MYRIP: variants seen among roughly 807,000 people sequenced by gnomAD.
MYRIP encodes the protein rab effector MyRIP.
MYRIP carries 49 observed loss-of-function variants against 98.0 expected under a neutral mutation model. That is an observed-to-expected ratio of 0.50 (90% CI 0.40 to 0.63). The LOEUF (loss-of-function observed/expected upper bound fraction) is 0.63. MYRIP is among the 30% of genes least tolerant of loss of function. MYRIP has a pLI of 0.00. For synonymous variants in MYRIP, 404 were observed against 409.5 expected (o/e 0.99, Z 0.16); for missense variants, 1,004 against 1,058.2 (o/e 0.95, Z 0.71).
At chr3:39,994,161 C>T (rs991171689) in intron 2 of MYRIP, among the ~76,000 whole-genome samples, 38 of 152,208 alleles carry the variant, frequency 2.5e-4, no homozygotes, top group Admixed American at 6.5e-4. Context: ...GTACTGGGTT[C>T]ATCTCACTGG....
chr3:40,210,221 C>T, intron 11 of MYRIP, 128 bp downstream of exon 11: 1 of 1,185,388 alleles, frequency 8.4e-7, no homozygotes, highest in Non-Finnish European at 1.2e-6. Context: ...CATCCCTGTG[C>T]ATTTGGGAGA....
At chr3:39,838,015 T>A (rs1392314623) in intron 1 of MYRIP, among the ~76,000 whole-genome samples, 1 of 152,198 alleles carries the variant, frequency 6.6e-6, no homozygotes, top group Non-Finnish European at 1.5e-5. Flanking sequence ...TGGCTCTCTG[T>A]CTACTATTGG....
At chr3:40,204,200 T>TAAC (rs1951726758) in intron 10 of MYRIP, among the ~76,000 whole-genome samples, 1 of 32,108 alleles carries the variant, frequency 3.1e-5, no homozygotes, top group Non-Finnish European at 6.1e-5. Context: ...AAATATTATA[T>TAAC]TATATATTTA....
At chr3:39,917,762 G>A (rs1944198078) in intron 2 of MYRIP, among the ~76,000 whole-genome samples, 1 of 151,800 alleles carries the variant, frequency 6.6e-6, no homozygotes. Context: ...AGCATAAAAT[G>A]CTAAATATAC....
chr3:39,966,022 A>C (rs898125536), intron 2 of MYRIP, among the ~76,000 whole-genome samples: 1 of 152,178 alleles, frequency 6.6e-6, no homozygotes, highest in Non-Finnish European at 1.5e-5. Context: ...GGCCATTAGC[A>C]AAATGATGTG....
chr3:39,983,174 C>T (rs928222840), intron 2 of MYRIP, among the ~76,000 whole-genome samples: 4 of 152,190 alleles, frequency 2.6e-5, no homozygotes, highest in Non-Finnish European at 2.9e-5. Flanking sequence ...GATTACATTT[C>T]GGCCTTTCTG....
At chr3:39,976,914 G>T (rs2125753492) in intron 2 of MYRIP, among the ~76,000 whole-genome samples, 1 of 152,194 alleles carries the variant, frequency 6.6e-6, no homozygotes, top group African/African-American at 2.4e-5. Flanking sequence ...GGGGAGTGGG[G>T]AGGGATAACA....
intron 3 of MYRIP, among the ~76,000 whole-genome samples, chr3:40,118,343 T>G (rs1314685567): frequency 1.3e-5 from 2 of 152,228 alleles, no homozygotes. Context: ...CTATTTCATC[T>G]GTAGGAATTT....
rs1391786785 is a variant in MYRIP, at chr3:40,162,817, T to C, written c.550+7T>C. The C allele has an allele frequency of 6.2e-7, 1 of 1,613,024 alleles. No homozygotes were observed. The highest frequency in any genetic ancestry group is 1.1e-5 in the South Asian group (1 of 91,034). ...TTTTATAGGCAGTCAGAAGGTAAAG[T>C]TGCTTAAGAGTTTACAGCTACTGGG... On this transcript the variant is annotated splice_region_variant and intron_variant, in intron 5 of 16. Coordinates refer to ENST00000302541, the MANE Select transcript of MYRIP (RefSeq NM_015460.4).
chr3:40,210,258 A>G (rs1161910522), intron 11 of MYRIP, among the ~76,000 whole-genome samples, 165 bp downstream of exon 11: 1 of 152,112 alleles, frequency 6.6e-6, no homozygotes, highest in Non-Finnish European at 1.5e-5. Context: ...CTTAACTTGC[A>G]CTGGGGGGTA....
chr3:39,937,358 G>T (rs1363414342), intron 2 of MYRIP, among the ~76,000 whole-genome samples: 1 of 152,180 alleles, frequency 6.6e-6, no homozygotes, highest in African/African-American at 2.4e-5. Context: ...CTTTCACCAT[G>T]AAGAATGGAT....
intron 10 of MYRIP, chr3:40,209,035 C>T (rs941570681): frequency 3.9e-5 from 6 of 152,244 alleles, no homozygotes; most frequent in Admixed American, 1.3e-4. Flanking sequence ...TCTGTAGTCC[C>T]AGCTACTTGG....
intron 3 of MYRIP, among the ~76,000 whole-genome samples, chr3:40,069,304 T>G (rs886927300): frequency 1.3e-5 from 2 of 152,158 alleles, no homozygotes; most frequent in Admixed American, 6.6e-5. Context: ...CTATGACTCT[T>G]CAGGTACTTT....
At chr3:40,196,523 G>A (rs552874939) in intron 10 of MYRIP, among the ~76,000 whole-genome samples, 1 of 152,000 alleles carries the variant, frequency 6.6e-6, no homozygotes, top group Non-Finnish European at 1.5e-5. Flanking sequence ...TTTTGTTTTG[G>A]TTTTGTCACT....
chr3:39,988,589 A>G (rs1946095473), intron 2 of MYRIP, among the ~76,000 whole-genome samples: 1 of 151,120 alleles, frequency 6.6e-6, no homozygotes, highest in South Asian at 2.1e-4. Context: ...CTCCTGGATA[A>G]TATTCTCAAG....
chr3:39,869,633 GC>G (rs1164063504), intron 1 of MYRIP, among the ~76,000 whole-genome samples: 1 of 152,058 alleles, frequency 6.6e-6, no homozygotes, highest in Non-Finnish European at 1.5e-5. Flanking sequence ...ATTACATCTG[GC>G]AAGTAGTTTA....
intron 3 of MYRIP, among the ~76,000 whole-genome samples, chr3:40,141,914 C>A (rs1949904044): frequency 6.6e-6 from 1 of 151,922 alleles, no homozygotes; most frequent in African/African-American, 2.4e-5. Context: ...ATCAGGATTG[C>A]TTTGGCTATT....
chr3:40,161,838 A>G (rs1327783221), intron 4 of MYRIP, among the ~76,000 whole-genome samples: 1 of 152,122 alleles, frequency 6.6e-6, no homozygotes, highest in East Asian at 1.9e-4. Flanking sequence ...TTTTAGAGGC[A>G]CAGATCTTAC....
chr3:39,821,742 CT>C (rs1941107525), intron 1 of MYRIP, among the ~76,000 whole-genome samples: 1 of 151,824 alleles, frequency 6.6e-6, no homozygotes. Flanking sequence ...TTTCCTAGAA[CT>C]TTTTAATATT....
Sources: allele counts gnomAD v4.1 joint callset (sites outside exome capture counted in the v4.1 genomes callset), GRCh38; gene constraint gnomAD v4.1.1; transcripts MANE v1.5; gene names NCBI Gene and HGNC (gene_info 2026-07-23, HGNC 2026-07-21).